ZP3: variants seen among roughly 807,000 people sequenced by gnomAD.
ZP3 encodes the protein zona pellucida sperm-binding protein 3.
A neutral mutation model predicts 35.6 loss-of-function variants in ZP3; 21 were observed. The observed-to-expected ratio is 0.59, with a 90% CI of 0.42 to 0.85. The LOEUF (loss-of-function observed/expected upper bound fraction) is 0.85, where lower values mean the gene tolerates loss of function less well. ZP3 is among the 40% of genes least tolerant of loss of function. ZP3 has a pLI of 0.00. For synonymous variants in ZP3, 207 were observed against 214.5 expected, an observed-to-expected ratio of 0.96 and a Z score of 0.31; for missense variants, 437 against 536.5, an observed-to-expected ratio of 0.81 and a Z score of 1.83.
upstream of ZP3, among the ~76,000 whole-genome samples, chr7:76,423,037 A>AG (rs1805553805): frequency 1.0e-5 from 1 of 95,774 alleles, no homozygotes; most frequent in Non-Finnish European, 2.2e-5. Flanking sequence ...GAAAGAAAGA[A>AG]AGAAAGAAAG....
rs113251229 is a variant in ZP3, at chr7:76,416,676, G to A, written c.-66-8376G>A. On this transcript the variant is annotated intron_variant, in intron 1 of 8. Coordinates refer to the ZP3 transcript ENST00000336517. ...TAGCTGGGTGTACTGGCATGCACCT[G>A]TAGTCCCAACTACTCAAGAGGCTGA... is the stretch of plus-strand genomic sequence containing the variant. Among the ~76,000 whole-genome samples, 60 of 151,626 alleles carry A rather than the reference G, an allele frequency of 4.0e-4. 2 individuals carry two copies. The highest frequency in any genetic ancestry group is 1.4e-3 in the African/African-American group (56 of 41,358).
chr7:76,436,715 C>T (rs1250148715), intron 5 of ZP3, among the ~76,000 whole-genome samples: 2 of 152,242 alleles, frequency 1.3e-5, no homozygotes, highest in African/African-American at 2.4e-5. Flanking sequence ...AGTCCTGGCC[C>T]TCGGATCAGT....
intron 1 of ZP3, among the ~76,000 whole-genome samples, chr7:76,426,907 C>CACACACACACACACACACACACAAAA (rs57796274): frequency 3.2e-5 from 4 of 126,870 alleles, no homozygotes; most frequent in African/African-American, 9.4e-5. Context: ...CACACACACA[C>CACACACACACACACACACACACAAAA]AATAGGGTGT....
At chr7:76,420,906 CGTGT>C (rs55828330), upstream of ZP3, among the ~76,000 whole-genome samples, 733 of 144,590 alleles carry the variant, frequency 5.1e-3, 6 homozygotes, top group African/African-American at 0.017. Context: ...TATATTTCCA[CGTGT>C]GTGTGTGTGT....
At chr7:76,415,507 T>C (rs910516083) in intron 1 of ZP3, among the ~76,000 whole-genome samples, 1 of 151,814 alleles carries the variant, frequency 6.6e-6, no homozygotes, top group Middle Eastern at 3.4e-3. Flanking sequence ...TTATTTATTT[T>C]TTTTGAGACA....
intron 1 of ZP3, among the ~76,000 whole-genome samples, chr7:76,417,726 C>T (rs2115857638): frequency 6.6e-6 from 1 of 151,842 alleles, no homozygotes; most frequent in East Asian, 1.9e-4. Context: ...ATCCTCCCAC[C>T]TCAGCCTCCC....
chr7:76,405,382 A>T (rs1228644721), intron 1 of ZP3, among the ~76,000 whole-genome samples: 1 of 93,014 alleles, frequency 1.1e-5, no homozygotes, highest in Non-Finnish European at 2.0e-5. Context: ...GTGTTTCACC[A>T]TATTGGCCAG....
chr7:76,433,547 GGCA>G lies in ZP3; in HGVS notation c.616_618del (p.Ser206del). ...CCACCTCCAGGCAGAAATCCACACT[GGCA>G]GCCACGTGCCACTGCGGTTGTTTGT... On this transcript the variant is annotated inframe_deletion, in exon 4 of 8. Transcript: ENST00000394857. 2 of 1,614,148 alleles carry G rather than the reference GGCA, an allele frequency of 1.2e-6. No individual in the cohort carries two copies. The highest frequency in any genetic ancestry group is 8.5e-7 in the Non-Finnish European group (1 of 1,180,016).
chr7:76,398,659 G>A (rs762441569), intron 1 of ZP3: 54 of 1,528,528 alleles, frequency 3.5e-5, no homozygotes, highest in South Asian at 7.9e-5. Context: ...CACTGCCTAG[G>A]GTAGGGTGTG....
intron 1 of ZP3, among the ~76,000 whole-genome samples, chr7:76,413,968 A>G (rs1024069568): frequency 9.7e-5 from 14 of 144,254 alleles, no homozygotes; most frequent in African/African-American, 3.6e-4. Flanking sequence ...CATCTGGCCC[A>G]TGCTGATTTT....
intron 1 of ZP3, among the ~76,000 whole-genome samples, chr7:76,408,836 A>T (rs11486951): frequency 0.41 from 62,992 of 151,882 alleles, 13,310 homozygotes; most frequent in South Asian, 0.53. Context: ...TATCCCTTTC[A>T]GAGTCCATCT....
intron 1 of ZP3, among the ~76,000 whole-genome samples, chr7:76,428,320 C>CA (rs1174040322): frequency 4.0e-5 from 6 of 151,702 alleles, no homozygotes; most frequent in African/African-American, 1.2e-4. Context: ...GACTGCATCT[C>CA]AAAAAAACAA....
At position 76,429,616 on chromosome 7, in the gene ZP3, C is replaced by G. The variant is rs1300050339; in HGVS notation, c.414C>G (p.Ile138Met). 1 of 1,614,054 alleles carries G rather than the reference C, an allele frequency of 6.2e-7. No homozygotes were observed. Among genetic ancestry groups the G allele is most frequent in the Middle Eastern group, 1.6e-4 (1 of 6,062 alleles). Residue 138 changes from isoleucine to methionine, a missense_variant, in exon 2 of 8, where the codon ATC becomes ATG. By Grantham distance (10) the Ile-to-Met change is conservative. Coordinates refer to ENST00000394857, the MANE Select transcript of ZP3 (RefSeq NM_001110354.2). ...GGACTAACCGCGCAGAGATTCCCAT[C>G]GAGTGCCGCTACCCCAGGTCGGTGT... ...IVRTNRAEIP[I>M]ECRYPRQGNV...
chr7:76,413,815 C>T (rs987908978), intron 1 of ZP3, among the ~76,000 whole-genome samples: 2 of 150,560 alleles, frequency 1.3e-5, no homozygotes, highest in African/African-American at 4.9e-5. Flanking sequence ...TACAGGCGTG[C>T]GCCACCATGC....
chr7:76,432,143 C>T (rs1407376670), intron 2 of ZP3, among the ~76,000 whole-genome samples: 4 of 151,946 alleles, frequency 2.6e-5, no homozygotes, highest in Non-Finnish European at 5.9e-5. Context: ...CCATCTCAGC[C>T]TCCTGAGTAG....
chr7:76,402,028 TC>T (rs1438269389), intron 1 of ZP3, among the ~76,000 whole-genome samples: 11 of 151,940 alleles, frequency 7.2e-5, no homozygotes, highest in Non-Finnish European at 1.6e-4. Flanking sequence ...TTCTTCTTCT[TC>T]TTCTTTTTAA....
intron 1 of ZP3, chr7:76,404,496 G>C (rs1265100913): frequency 6.2e-7 from 1 of 1,612,584 alleles, no homozygotes; most frequent in African/African-American, 1.3e-5. Context: ...AGAAGTCACA[G>C]TTGGAACATC....
chr7:76,426,814 G>GGGCCCGGGAGTTTAA (rs1805669628), intron 1 of ZP3, among the ~76,000 whole-genome samples: 2 of 150,238 alleles, frequency 1.3e-5, no homozygotes, highest in Admixed American at 6.7e-5. Flanking sequence ...AGGATCACTT[G>GGGCCCGGGAGTTTAA]GGCCCGGGAG....
chr7:76,437,382 G>C (rs563961155), intron 5 of ZP3, among the ~76,000 whole-genome samples: 10 of 151,916 alleles, frequency 6.6e-5, no homozygotes, highest in African/African-American at 1.9e-4. Context: ...CACTATGTTG[G>C]TCAGGCTGGT....
Sources: gnomAD v4.1 joint callset for allele counts (sites outside exome capture counted in the v4.1 genomes callset) on GRCh38, gnomAD v4.1.1 for gene constraint, MANE v1.5 for transcripts, NCBI Gene and HGNC (gene_info 2026-07-23, HGNC 2026-07-21) for gene names.